The following MMUT variants were observed in gnomAD, a reference collection of about 807,000 sequenced individuals.
The protein encoded by MMUT is methylmalonyl-CoA mutase, also known as methylmalonyl-CoA mutase, mitochondrial.
MMUT carries 79 observed loss-of-function variants against 79.9 expected under a neutral mutation model. The observed-to-expected ratio is 0.99, with a 90% CI of 0.82 to 1.19. The LOEUF (loss-of-function observed/expected upper bound fraction) is 1.19, where lower values mean the gene tolerates loss of function less well. Among genes scored for constraint, MMUT ranks in the 50% most tolerant of loss-of-function variants. MMUT has a pLI of 0.00. For synonymous variants in MMUT, 273 were observed against 295.7 expected, an observed-to-expected ratio of 0.92 and a Z score of 0.79; for missense variants, 860 against 917.2, an observed-to-expected ratio of 0.94 and a Z score of 0.81.
chr6:49,433,206 A>C (rs1186427723), intron 12 of MMUT, among the ~76,000 whole-genome samples: 3 of 152,180 alleles, frequency 2.0e-5, no homozygotes, highest in Admixed American at 1.3e-4. Flanking sequence ...ATGTAATAAT[A>C]ATCATCTCTA....
chr6:49,447,478 C>T (rs939461654), intron 8 of MMUT, among the ~76,000 whole-genome samples, 192 bp downstream of exon 8: 4 of 151,578 alleles, frequency 2.6e-5, no homozygotes, highest in Non-Finnish European at 4.4e-5. Context: ...AGACTGAGTC[C>T]TGGTTGTCTA....
Position 49,444,630 on chromosome 6 carries a change from T to C in MMUT, c.1676+9A>G, listed in dbSNP as rs377427994. Reference sequence around the variant, plus strand: ...GTCTTTGGAAACCTCCAAACTTATATATCTTCACCTTGCCCGAGATGCATC... The same window carrying C: ...GTCTTTGGAAACCTCCAAACTTATACATCTTCACCTTGCCCGAGATGCATC... On this transcript the variant is annotated intron_variant, in intron 9 of 12. Coordinates refer to ENST00000274813, the MANE Select transcript of MMUT (RefSeq NM_000255.4). 5 of 1,607,978 alleles carry C rather than the reference T, an allele frequency of 3.1e-6. No individual in the cohort carries two copies. The highest frequency in any genetic ancestry group is 1.7e-5 in the Admixed American group (1 of 59,980).
Position 49,435,533 on chromosome 6 carries a change from G to C in MMUT, c.2047C>G (p.Pro683Ala), listed in dbSNP as rs866763981. ...TLAAGHKTLV[P>A]ELIKELNSLG... The stretch of plus-strand genomic sequence containing the variant: ...GAGTTAAGTTCTTTGATGAGTTCAG[G>C]AACTAGGGTTTTATGACCAGCAGCG... Residue 683 changes from proline to alanine, a missense_variant, in exon 12 of 13, where the codon CCT becomes GCT. By Grantham distance (27) the Pro-to-Ala change is conservative. Transcript: ENST00000274813. 8.1e-6 allele frequency: 13 copies of C among 1,614,134 alleles called. No individual in the cohort carries two copies. Among genetic ancestry groups the C allele is most frequent in the Non-Finnish European group, 1.1e-5 (13 of 1,180,036 alleles).
intron 11 of MMUT, among the ~76,000 whole-genome samples, chr6:49,437,416 G>C (rs936174406): frequency 6.6e-6 from 1 of 152,012 alleles, no homozygotes; most frequent in Non-Finnish European, 1.5e-5. Context: ...AGAAAAAATA[G>C]ATGGAAATAA....
chr6:49,461,677 G>A (rs1424180224), intron 1 of MMUT, among the ~76,000 whole-genome samples: 1 of 152,168 alleles, frequency 6.6e-6, no homozygotes, highest in African/African-American at 2.4e-5. Flanking sequence ...GCTGAGGCAT[G>A]AGAATCACTT....
rs761414753 is a variant in MMUT at position 49,459,125 on chromosome 6, A to G, written c.342T>C (p.Ser114=). 1 of 1,614,158 alleles carries G rather than the reference A, an allele frequency of 6.2e-7. No individual in the cohort carries two copies. The highest frequency in any genetic ancestry group is 8.5e-7 in the Non-Finnish European group (1 of 1,180,014). Residue 114 remains serine, a synonymous_variant, in exon 2 of 13, where the codon AGT becomes AGC. Transcript: ENST00000274813. ...AGAACTTATTGCTTTCTTCCACAGT[A>G]CTAAAACCAGCATACTGGCGGATGG... The part of the protein sequence containing the change: ...PWTIRQYAGF[S]TVEESNKFYK...
rs1420495663 is a variant in MMUT at position 49,430,388 on chromosome 6, CAT to C, written c.*1338_*1339del. The C allele has an allele frequency of 5.3e-5, 8 of 152,232 alleles. No individual in the cohort carries two copies. The East Asian group carries it at 7.7e-4, about 15-fold the overall frequency. The allele number at this position is 152,232 out of a possible 1,614,324, so 9.4% of individuals were successfully genotyped here. ...ATTCCTCAAGGATGAGTTTATTTCACATGTCACCCAGCACGCAACTGAACACA... is the reference window on the plus strand; with the variant it reads ...ATTCCTCAAGGATGAGTTTATTTCACGTCACCCAGCACGCAACTGAACACA... On this transcript the variant is annotated 3_prime_UTR_variant, in exon 13 of 13. Transcript: ENST00000274813.
Position 49,441,823 on chromosome 6 carries a change from G to A in MMUT, c.1808+17C>T, listed in dbSNP as rs1401667446. ...CAGAAAAGATGAAATTCTGGCCTAA[G>A]AAACCTTACATATTACCTCTTGATA... On this transcript the variant is annotated intron_variant, in intron 10 of 12. Coordinates refer to ENST00000274813, the MANE Select transcript of MMUT (RefSeq NM_000255.4). 1 of 1,607,238 alleles carries A rather than the reference G, an allele frequency of 6.2e-7. No individual in the cohort carries two copies. Among genetic ancestry groups the A allele is most frequent in the African/African-American group, 1.3e-5 (1 of 74,700 alleles).
intron 9 of MMUT, among the ~76,000 whole-genome samples, chr6:49,442,605 T>C (rs1767305658): frequency 6.6e-6 from 1 of 152,104 alleles, no homozygotes; most frequent in Non-Finnish European, 1.5e-5. Flanking sequence ...GAATGGGCTG[T>C]CTGGAAGAAC....
chr6:49,443,615 A>C (rs983156198), intron 9 of MMUT, among the ~76,000 whole-genome samples: 2 of 151,966 alleles, frequency 1.3e-5, no homozygotes, highest in African/African-American at 2.4e-5. Flanking sequence ...TAATATAATA[A>C]ATTTATTTAT....
At chr6:49,431,925 T>C in intron 12 of MMUT, 69 bp from the exon 13 acceptor site, 1 of 1,552,126 alleles carries the variant, frequency 6.4e-7, no homozygotes, top group Non-Finnish European at 8.9e-7. Flanking sequence ...AACCCTATCC[T>C]TTCTTCTTTG....
intron 4 of MMUT, among the ~76,000 whole-genome samples, chr6:49,454,871 C>T (rs1767646650): frequency 6.6e-6 from 1 of 151,978 alleles, no homozygotes; most frequent in East Asian, 1.9e-4. Context: ...ACAGGGAAAC[C>T]CCATCTCTAC....
chr6:49,451,317 C>T, intron 6 of MMUT, 149 bp downstream of exon 6: 1 of 895,158 alleles, frequency 1.1e-6, no homozygotes. Context: ...ATTTTTTTTG[C>T]AAACATCGTT....
chr6:49,444,151 A>G (rs1253639763), intron 9 of MMUT, among the ~76,000 whole-genome samples: 1 of 152,154 alleles, frequency 6.6e-6, no homozygotes, highest in Admixed American at 6.6e-5. Flanking sequence ...ACATGGCTCC[A>G]ATAACAAGGG....
intron 12 of MMUT, 128 bp from the exon 13 acceptor site, chr6:49,431,984 G>T: frequency 9.3e-7 from 1 of 1,070,950 alleles, no homozygotes; most frequent in South Asian, 1.4e-5. Flanking sequence ...CTGGCATTTG[G>T]GGCTAAAAAA....
At chr6:49,450,382 G>T (rs866815848) in intron 6 of MMUT, among the ~76,000 whole-genome samples, 58 of 151,820 alleles carry the variant, frequency 3.8e-4, no homozygotes, top group African/African-American at 1.4e-3. Context: ...ATTTCCTAGA[G>T]CTATAAAAAT....
At chr6:49,460,481 C>T (rs1012005634) in intron 1 of MMUT, among the ~76,000 whole-genome samples, 6 of 152,158 alleles carry the variant, frequency 3.9e-5, no homozygotes, top group South Asian at 2.1e-4. Context: ...CTGCATATTC[C>T]GGATAACTAG....
chr6:49,457,794 A>G lies in MMUT; in HGVS notation c.650T>C (p.Ile217Thr), dbSNP rs1395184778. ...GVPKEKLTGT[I>T]QNDILKEFMV... ...AAATTCCTTTAGTATATCATTTTGG[A>G]TGGTACCAGTAAGCTTCTCTTTAGG... The change falls in exon 3 of 13, where the codon ATC (isoleucine) becomes ACC (threonine). Residue 217 changes from isoleucine (I) to threonine (T), a missense_variant. Coordinates refer to ENST00000274813, the MANE Select transcript of MMUT (RefSeq NM_000255.4). 2.5e-6 allele frequency: 4 copies of G among 1,613,414 alleles called. No individual in the cohort carries two copies. The South Asian group carries it at 4.4e-5, about 18-fold the overall frequency.
In MMUT at chr6:49,456,183, C is replaced by G. The variant is rs1767682785; in HGVS notation, c.808G>C (p.Gly270Arg). ...SISGYHMQEA[G>R]ADAILELAYT... ...GCCAGCTCCAGAATGGCATCAGCCCCTGCTTCCTGCATATGGTATCCACTA... is the reference window on the plus strand; with the variant it reads ...GCCAGCTCCAGAATGGCATCAGCCCGTGCTTCCTGCATATGGTATCCACTA... The change falls in exon 4 of 13, where the codon GGG (glycine) becomes CGG (arginine). Residue 270 changes from glycine (G) to arginine (R), a missense_variant. Physicochemically the swap from Gly to Arg is moderately radical, Grantham distance 125. Coordinates refer to ENST00000274813, the MANE Select transcript of MMUT (RefSeq NM_000255.4). 6.2e-7 allele frequency: 1 copy of G among 1,612,242 alleles called. No individual in the cohort carries two copies. Among genetic ancestry groups the G allele is most frequent in the Non-Finnish European group, 8.5e-7 (1 of 1,178,494 alleles).
Sources: gnomAD v4.1 joint callset for allele counts (sites outside exome capture counted in the v4.1 genomes callset) on GRCh38, gnomAD v4.1.1 for gene constraint, MANE v1.5 for transcripts, NCBI Gene and HGNC (gene_info 2026-07-23, HGNC 2026-07-21) for gene names.